Variants in ADGRL3 observed in about 807,000 individuals in gnomAD.
ADGRL3 encodes adhesion G protein-coupled receptor L3.
Under a neutral mutation model 153.5 loss-of-function variants are expected in ADGRL3, and 62 were observed. The observed-to-expected ratio is 0.40, with a 90% CI of 0.33 to 0.50. ADGRL3 has a LOEUF of 0.50. Ranked by LOEUF, ADGRL3 falls within the 20% of genes least tolerant of loss-of-function variation. The pLI, the probability that ADGRL3 is intolerant of heterozygous loss-of-function variation, is 0.47. For missense variants in ADGRL3, 1,641 were observed against 1,859.4 expected (o/e 0.88, Z 2.16); for synonymous variants, 710 against 672.5 (o/e 1.06, Z -0.86).
intron 5 of ADGRL3, among the ~76,000 whole-genome samples, chr4:61,671,095 C>T (rs1561036949): frequency 6.6e-6 from 1 of 152,146 alleles, no homozygotes; most frequent in Non-Finnish European, 1.5e-5. Flanking sequence ...TAAACAGCCC[C>T]TACCTGCCTC....
In ADGRL3 at chr4:62,067,228, C is replaced by T. The variant is rs575429851; in HGVS notation, c.3815-938C>T. Among the ~76,000 whole-genome samples, 10 of 152,046 alleles carry T rather than the reference C, an allele frequency of 6.6e-5. 1 individual carries two copies. In the South Asian group the frequency reaches 2.1e-3, roughly 32 times the overall value. ...TCATTAAATTATAGTAAGATAGAAC[C>T]CTTTGAAATGATCTGGCCCAGTGAA... is the stretch of plus-strand genomic sequence containing the variant. On this transcript the variant is annotated intron_variant, in intron 25 of 26. Coordinates refer to ENST00000683033, the MANE Select transcript of ADGRL3 (RefSeq NM_001387552.1).
chr4:61,438,733 A>G (rs1357674335), intron 2 of ADGRL3, among the ~76,000 whole-genome samples: 111 of 140,066 alleles, frequency 7.9e-4, no homozygotes, highest in African/African-American at 2.8e-3. Flanking sequence ...TTTTAGACGG[A>G]GTCTCGCTCT....
intron 1 of ADGRL3, among the ~76,000 whole-genome samples, chr4:61,380,080 G>A (rs2096649320): frequency 6.6e-6 from 1 of 151,792 alleles, no homozygotes. Context: ...AATAGAAAAT[G>A]TATGTAAATT....
intron 2 of ADGRL3, among the ~76,000 whole-genome samples, chr4:61,470,683 T>G (rs945200814): frequency 6.6e-6 from 1 of 151,938 alleles, no homozygotes; most frequent in South Asian, 2.1e-4. Context: ...TTAGCAACTA[T>G]GAGCAAGGTT....
chr4:61,217,782 T>C (rs146666201), intron 1 of ADGRL3, among the ~76,000 whole-genome samples: 1 of 152,320 alleles, frequency 6.6e-6, no homozygotes, highest in East Asian at 1.9e-4. Flanking sequence ...TACTCATTCT[T>C]ACCCTTATTT....
Position 61,723,674 on chromosome 4 carries a change from A to G in ADGRL3, c.584-6948A>G, listed in dbSNP as rs553394835. On this transcript the variant is annotated intron_variant, in intron 6 of 26. Transcript: ENST00000683033. ...CAGGTGGTGTTATCTAGAGGCAGCC[A>G]TGACACCTGGCGTATGTGGTGACTA... Among the ~76,000 whole-genome samples the G allele has an allele frequency of 1.2e-4, 18 of 152,238 alleles. No homozygotes were observed. In the East Asian group the frequency reaches 3.3e-3, roughly 28 times the overall value.
chr4:61,294,624 AATAATCATGTT>A (rs2094340580), intron 1 of ADGRL3, among the ~76,000 whole-genome samples: 1 of 152,104 alleles, frequency 6.6e-6, no homozygotes, highest in Non-Finnish European at 1.5e-5. Flanking sequence ...TGGTACATAA[AATAATCATGTT>A]CTGTCTTATA....
At chr4:61,786,134 T>G (rs753145976) in intron 8 of ADGRL3, among the ~76,000 whole-genome samples, 26 of 152,240 alleles carry the variant, frequency 1.7e-4, no homozygotes, top group Non-Finnish European at 3.2e-4. Flanking sequence ...AGTTTCATGT[T>G]TCCACTGAAC....
intron 8 of ADGRL3, among the ~76,000 whole-genome samples, chr4:61,745,894 C>A (rs374030556): frequency 1.3e-5 from 2 of 152,058 alleles, no homozygotes; most frequent in African/African-American, 2.4e-5. Flanking sequence ...TAAATGCTCC[C>A]ATTAAAAGAC....
intron 21 of ADGRL3, among the ~76,000 whole-genome samples, chr4:62,020,179 A>G (rs565537334): frequency 1.3e-5 from 2 of 152,254 alleles, no homozygotes; most frequent in East Asian, 3.9e-4. Flanking sequence ...AATCCCATAC[A>G]GTATGAAAAA....
rs892551529 is a variant in ADGRL3 at position 62,026,314 on chromosome 4, G to A, written c.3396-2541G>A. On this transcript the variant is annotated intron_variant, in intron 21 of 26. Coordinates refer to ENST00000683033, the MANE Select transcript of ADGRL3 (RefSeq NM_001387552.1). ...ATCACTTTCTTCTAGTCAAAGGACA[G>A]CAGCAAATTGTAAAGAGGAGACCAA... Among the ~76,000 whole-genome samples, 14 of 152,198 alleles carry A rather than the reference G, an allele frequency of 9.2e-5. 2 individuals carry two copies. The highest frequency in any genetic ancestry group is 8.5e-4 in the Admixed American group (13 of 15,250).
chr4:61,371,362 C>T (rs1474147274), intron 1 of ADGRL3, among the ~76,000 whole-genome samples: 1 of 151,738 alleles, frequency 6.6e-6, no homozygotes, highest in African/African-American at 2.4e-5. Flanking sequence ...TTTGCAGCGG[C>T]TGGTACCGGT....
chr4:62,017,214 T>A (rs2099216229), intron 21 of ADGRL3, among the ~76,000 whole-genome samples: 1 of 152,034 alleles, frequency 6.6e-6, no homozygotes, highest in Non-Finnish European at 1.5e-5. Flanking sequence ...TGGATCGCAA[T>A]TGAGCAGGTC....
intron 2 of ADGRL3, among the ~76,000 whole-genome samples, chr4:61,456,429 CTATATA>C (rs779293435): frequency 5.8e-5 from 2 of 34,256 alleles, no homozygotes; most frequent in African/African-American, 1.4e-4. Flanking sequence ...ATATCTATAT[CTATATA>C]TATAGATATA....
intron 1 of ADGRL3, among the ~76,000 whole-genome samples, chr4:61,368,177 T>G (rs1435471057): frequency 1.3e-5 from 2 of 151,896 alleles, no homozygotes; most frequent in Admixed American, 6.6e-5. Flanking sequence ...TTTTCTCCCA[T>G]TTTGTAAGTT....
chr4:61,559,009 A>C (rs1001601311), intron 4 of ADGRL3, among the ~76,000 whole-genome samples: 48 of 152,200 alleles, frequency 3.2e-4, no homozygotes, highest in African/African-American at 1.0e-3. Context: ...TGTATGCAAA[A>C]TAGTAATTAT....
chr4:62,036,531 A>G (rs1469871620), intron 23 of ADGRL3, among the ~76,000 whole-genome samples: 2 of 152,148 alleles, frequency 1.3e-5, no homozygotes, highest in Non-Finnish European at 2.9e-5. Flanking sequence ...TATATCTTTG[A>G]CACAATGAAT....
chr4:61,706,064 C>G (rs1344032625), intron 6 of ADGRL3, among the ~76,000 whole-genome samples: 5 of 152,120 alleles, frequency 3.3e-5, no homozygotes, highest in Non-Finnish European at 2.9e-5. Context: ...GTTACTGAAG[C>G]TTTGAAGCCA....
chr4:62,021,450 A>C (rs2099237817), intron 21 of ADGRL3, among the ~76,000 whole-genome samples: 2 of 152,146 alleles, frequency 1.3e-5, no homozygotes, highest in Non-Finnish European at 1.5e-5. Flanking sequence ...CTTTAATATT[A>C]ATAAATAATC....
Sources: allele counts gnomAD v4.1 joint callset (sites outside exome capture counted in the v4.1 genomes callset), GRCh38; gene constraint gnomAD v4.1.1; transcripts MANE v1.5; gene names NCBI Gene and HGNC (gene_info 2026-07-23, HGNC 2026-07-21).